The following TRIM4 variants were observed in gnomAD, a reference collection of about 807,000 sequenced individuals.
TRIM4 encodes the protein tripartite motif containing 4.
TRIM4 carries 29 observed loss-of-function variants against 33.7 expected under a neutral mutation model. The ratio of observed to expected loss-of-function variants is 0.86; its 90% confidence interval spans 0.64 to 1.17. The LOEUF (loss-of-function observed/expected upper bound fraction) is 1.17. Ranked by LOEUF, TRIM4 falls within the 50% of genes most tolerant of loss-of-function variation. The pLI, the probability that TRIM4 is intolerant of heterozygous loss-of-function variation, is 0.00. For missense variants in TRIM4, 554 were observed against 593.7 expected (o/e 0.93, Z 0.69); for synonymous variants, 224 against 233.0 (o/e 0.96, Z 0.35).
At chr7:99,911,922 AAAC>A (rs1426729003) in intron 1 of TRIM4, among the ~76,000 whole-genome samples, 1 of 152,248 alleles carries the variant, frequency 6.6e-6, no homozygotes, top group Admixed American at 6.5e-5. Flanking sequence ...ATAATGGCAA[AAAC>A]CGCAATTACA....
At chr7:99,915,017 C>G (rs905897958) in intron 1 of TRIM4, among the ~76,000 whole-genome samples, 1 of 152,086 alleles carries the variant, frequency 6.6e-6, no homozygotes, top group Admixed American at 6.5e-5. Context: ...ACCATGTTGG[C>G]CAGGCTGGTC....
chr7:99,904,213 T>C (rs1208304940), intron 3 of TRIM4, among the ~76,000 whole-genome samples: 1 of 152,126 alleles, frequency 6.6e-6, no homozygotes, highest in East Asian at 1.9e-4. Flanking sequence ...ATGTGAAAAT[T>C]CTAAGTAACA....
intron 5 of TRIM4, chr7:99,901,784 C>A: frequency 3.8e-6 from 1 of 263,806 alleles, no homozygotes; most frequent in Admixed American, 5.3e-5. Flanking sequence ...CTTCTATCTC[C>A]AGCCTTGAGT....
chr7:99,911,828 G>A (rs1819450966), intron 1 of TRIM4, among the ~76,000 whole-genome samples: 1 of 152,168 alleles, frequency 6.6e-6, no homozygotes, highest in Non-Finnish European at 1.5e-5. Context: ...AAATAGACCT[G>A]TACAAGAATA....
chr7:99,911,675 T>C (rs1423336645), intron 1 of TRIM4, among the ~76,000 whole-genome samples: 1 of 152,198 alleles, frequency 6.6e-6, no homozygotes, highest in African/African-American at 2.4e-5. Context: ...ATGGAGCAAC[T>C]GGAACTCTTA....
At chr7:99,915,143 C>A (rs966932087) in intron 1 of TRIM4, among the ~76,000 whole-genome samples, 2 of 152,122 alleles carry the variant, frequency 1.3e-5, no homozygotes, top group Non-Finnish European at 2.9e-5. Flanking sequence ...TCCCAGCATG[C>A]CATCACCATC....
Position 99,907,479 on chromosome 7 carries a change from A to C in TRIM4, c.720+1103T>G, listed in dbSNP as rs553291415. ...TTTGCTGATATAATTTTTTGTAAAC[A>C]TTCTGCTGGCTCACATGTATCTTCG... On this transcript the variant is annotated intron_variant, in intron 3 of 5. Transcript: ENST00000349062. Among the ~76,000 whole-genome samples the C allele has an allele frequency of 6.2e-4, 94 of 152,352 alleles. 2 individuals are homozygous for C. In the South Asian group the frequency reaches 0.018, roughly 30 times the overall value.
chr7:99,917,907 A>G (rs184534968), intron 1 of TRIM4: 23 of 951,304 alleles, frequency 2.4e-5, no homozygotes, highest in Non-Finnish European at 2.8e-5. Context: ...ATGTGGGTAG[A>G]GAAAGAGAAC....
intron 1 of TRIM4, among the ~76,000 whole-genome samples, chr7:99,910,790 A>G (rs1232606776): frequency 6.6e-6 from 1 of 152,228 alleles, no homozygotes; most frequent in South Asian, 2.1e-4. Flanking sequence ...AAATAAAGCA[A>G]GTCAATCAAC....
intron 3 of TRIM4, among the ~76,000 whole-genome samples, chr7:99,904,058 C>A (rs929542432): frequency 3.9e-5 from 6 of 152,136 alleles, no homozygotes; most frequent in Non-Finnish European, 8.8e-5. Flanking sequence ...CTTTATGGAA[C>A]TGAAAATACC....
At chr7:99,903,393 C>G in intron 4 of TRIM4, 78 bp from the exon 5 acceptor site, 1 of 1,381,552 alleles carries the variant, frequency 7.2e-7, no homozygotes. Flanking sequence ...AGGTTCTTAG[C>G]CCAAAGTTCA....
intron 1 of TRIM4, among the ~76,000 whole-genome samples, chr7:99,915,740 C>T (rs1215498859): frequency 2.6e-5 from 4 of 152,192 alleles, no homozygotes; most frequent in Non-Finnish European, 5.9e-5. Context: ...TGACCTGGCT[C>T]CTGAACACCT....
At chr7:99,916,888 T>C (rs1167103195) in intron 1 of TRIM4, 1 of 718,222 alleles carries the variant, frequency 1.4e-6, no homozygotes, top group Non-Finnish European at 2.5e-6. Context: ...ACAAGATCCT[T>C]CATGATAAGG....
chr7:99,897,023 C>G (rs922103993), intron 5 of TRIM4, among the ~76,000 whole-genome samples: 6 of 152,202 alleles, frequency 3.9e-5, no homozygotes, highest in Non-Finnish European at 8.8e-5. Flanking sequence ...CCTGTGGGAA[C>G]AGGATGACAA....
chr7:99,893,690 CTAGT>C (rs554394581), intron 5 of TRIM4, among the ~76,000 whole-genome samples: 73 of 152,108 alleles, frequency 4.8e-4, no homozygotes, highest in Non-Finnish European at 9.0e-4. Context: ...CCTTCAATAG[CTAGT>C]TAGTCACCAA....
Position 99,909,623 on chromosome 7 carries a change from T to G in TRIM4, c.431A>C (p.Lys144Thr), listed in dbSNP as rs1438740788. The change falls in exon 2 of 6, where the codon AAG becomes ACG. Residue 144 changes from lysine (K) to threonine (T), a missense_variant. Lys to Thr is a moderately conservative substitution (Grantham distance 78). Transcript: ENST00000349062. ...LLKSQRNLVA[K>T]MKKVMHLQDV... ...CTGTAAATGCATGACTTTCTTCATC[T>G]TGGCCACGAGATTACGCTGAGACTT... 1.9e-6 allele frequency: 3 copies of G among 1,613,898 alleles called. No individual in the cohort carries two copies. The Admixed American group carries it at 5.0e-5, about 27-fold the overall frequency.
chr7:99,906,037 T>C (rs1365857496), intron 3 of TRIM4, among the ~76,000 whole-genome samples: 1 of 151,982 alleles, frequency 6.6e-6, no homozygotes, highest in Non-Finnish European at 1.5e-5. Flanking sequence ...CCCAGCTACT[T>C]GGGAGGCTGA....
At chr7:99,904,829 C>A (rs2151646953) in intron 3 of TRIM4, among the ~76,000 whole-genome samples, 1 of 152,014 alleles carries the variant, frequency 6.6e-6, no homozygotes, top group South Asian at 2.1e-4. Context: ...GTCAGGAGTT[C>A]AAGACCAGCC....
At chr7:99,908,523 A>G in intron 3 of TRIM4, 59 bp downstream of exon 3, 1 of 1,367,220 alleles carries the variant, frequency 7.3e-7, no homozygotes, top group Non-Finnish European at 1.0e-6. Flanking sequence ...TTCAGCTCTA[A>G]AGACAAGAGA....
Sources: gnomAD v4.1 joint callset for allele counts (sites outside exome capture counted in the v4.1 genomes callset) on GRCh38, gnomAD v4.1.1 for gene constraint, MANE v1.5 for transcripts, NCBI Gene and HGNC (gene_info 2026-07-23, HGNC 2026-07-21) for gene names.